MMS22L: variants seen among roughly 807,000 people sequenced by gnomAD.
The protein encoded by MMS22L is MMS22 like, DNA repair protein.
Under a neutral mutation model 159.1 loss-of-function variants are expected in MMS22L, and 74 were observed. The observed-to-expected ratio is 0.47, with a 90% CI of 0.39 to 0.56. MMS22L has a LOEUF of 0.56. MMS22L is among the 20% of genes least tolerant of loss of function. MMS22L has a pLI of 0.00. For synonymous variants in MMS22L, 517 were observed against 506.9 expected (o/e 1.02, Z -0.27); for missense variants, 1,351 against 1,422.1 (o/e 0.95, Z 0.80).
chr6:97,182,370 C>T (rs770959444), intron 15 of MMS22L, among the ~76,000 whole-genome samples: 1 of 152,086 alleles, frequency 6.6e-6, no homozygotes, highest in Non-Finnish European at 1.5e-5. Flanking sequence ...CTCCACCATT[C>T]AAAAGACCTA....
At chr6:97,234,331 T>C (rs1469529591) in intron 11 of MMS22L, among the ~76,000 whole-genome samples, 1 of 152,150 alleles carries the variant, frequency 6.6e-6, no homozygotes, top group Non-Finnish European at 1.5e-5. Context: ...ACGATTAAGA[T>C]GTACACAAAT....
rs767987186 is a variant in MMS22L at position 97,173,255 on chromosome 6, C to T, written c.2680-33G>A. On this transcript the variant is annotated intron_variant, in intron 18 of 24. Transcript: ENST00000683635. ...TAAAGAAAAACATTATTTAACTTCC[C>T]AAAGTTTATACCATAAAGATTTGGA... 8 of 1,591,880 alleles carry T rather than the reference C, an allele frequency of 5.0e-6. No homozygotes were observed. In the East Asian group the frequency reaches 1.3e-4, roughly 27 times the overall value.
chr6:97,160,344 T>A (rs1469463443), intron 22 of MMS22L, among the ~76,000 whole-genome samples: 2 of 152,020 alleles, frequency 1.3e-5, no homozygotes, highest in African/African-American at 4.8e-5. Flanking sequence ...TGTTTCATCT[T>A]CAGTTTTGAA....
intron 22 of MMS22L, among the ~76,000 whole-genome samples, chr6:97,154,167 T>C (rs2128235610): frequency 6.6e-6 from 1 of 152,306 alleles, no homozygotes; most frequent in African/African-American, 2.4e-5. Context: ...ACCTTGTGGG[T>C]ATGAAGTGAT....
chr6:97,168,516 T>C (rs1478351063), intron 19 of MMS22L, among the ~76,000 whole-genome samples: 1 of 152,102 alleles, frequency 6.6e-6, no homozygotes, highest in East Asian at 1.9e-4. Flanking sequence ...TCTGAAAATA[T>C]AAAATCTGAA....
chr6:97,264,651 A>G (rs529921831), intron 8 of MMS22L: 1 of 152,272 alleles, frequency 6.6e-6, no homozygotes, highest in Admixed American at 6.5e-5. Context: ...AGAAACCTCT[A>G]AAGACATCAC....
chr6:97,244,060 AGTT>A (rs1325896180), intron 11 of MMS22L, among the ~76,000 whole-genome samples: 3 of 152,152 alleles, frequency 2.0e-5, no homozygotes, highest in Non-Finnish European at 1.5e-5. Context: ...CTAGCAGTGA[AGTT>A]GTCATGTGGA....
chr6:97,272,748 G>C lies in MMS22L; in HGVS notation c.562C>G (p.Pro188Ala), dbSNP rs1388047961. 1.2e-6 allele frequency: 2 copies of C among 1,613,506 alleles called. 1 individual carries two copies. Among genetic ancestry groups the C allele is most frequent in the Non-Finnish European group, 1.7e-6 (2 of 1,179,840 alleles). Residue 188 changes from proline (P) to alanine (A), a missense_variant, in exon 6 of 25, where the codon CCC (proline) becomes GCC (alanine). By Grantham distance (27) the Pro-to-Ala change is conservative (BLOSUM62 -1). Transcript: ENST00000683635. ...LLYIGHLSEL[P>A]SVNIGAFVNQ... ...ACAAATGCTCCTATATTAACACTGG[G>C]AAGTTCAGATAGGTGTCCAATATAC...
intron 11 of MMS22L, among the ~76,000 whole-genome samples, chr6:97,239,807 G>A (rs567237306): frequency 1.4e-4 from 21 of 152,310 alleles, no homozygotes; most frequent in African/African-American, 5.1e-4. Context: ...TCGGGAGAAG[G>A]AGGCAGAAGA....
At chr6:97,173,321 C>CA in intron 18 of MMS22L, 99 bp from the exon 19 acceptor site, 8 of 1,064,990 alleles carry the variant, frequency 7.5e-6, no homozygotes, top group Non-Finnish European at 1.1e-5. Context: ...CATACGCACC[C>CA]ATACCCTTTA....
Position 97,162,125 on chromosome 6 carries a change from G to A in MMS22L, c.3262C>T (p.Arg1088Cys), listed in dbSNP as rs371086396. 17 of 1,610,266 alleles carry A rather than the reference G, an allele frequency of 1.1e-5. No individual in the cohort carries two copies. Among genetic ancestry groups the A allele is most frequent in the Middle Eastern group, 1.6e-4 (1 of 6,062 alleles). ...LEYKGSSPPP[R>C]LASILAFILQ... ...ATGAAGGCCAGAATGGATGCTAAGC[G>A]AGGAGGAGGTGAGGACCCCTTATAC... Residue 1088 changes from arginine to cysteine, a missense_variant, in exon 22 of 25, where the codon CGC (arginine) becomes TGC (cysteine). Arg to Cys is a radical substitution (Grantham distance 180). Coordinates refer to ENST00000683635, the MANE Select transcript of MMS22L (RefSeq NM_001350599.2).
intron 11 of MMS22L, among the ~76,000 whole-genome samples, chr6:97,245,406 G>A (rs1333887317): frequency 6.6e-6 from 1 of 152,044 alleles, no homozygotes; most frequent in Non-Finnish European, 1.5e-5. Context: ...CTCTGGATTT[G>A]GTTAAAGCAT....
chr6:97,272,713 G>A lies in MMS22L; in HGVS notation c.597C>T (p.Asn199=), dbSNP rs1264765278. 1 of 1,608,362 alleles carries A rather than the reference G, an allele frequency of 6.2e-7. No individual in the cohort carries two copies. Among genetic ancestry groups the A allele is most frequent in the Non-Finnish European group, 8.5e-7 (1 of 1,178,300 alleles). The change falls in exon 6 of 25, where the codon AAC becomes AAT. Residue 199 remains asparagine (N), a synonymous_variant. Transcript: ENST00000683635. ...SVNIGAFVNQ[N]QIKLFPPSWH... ...ATGAAACAAGTCAAACCTTAATCTG[G>A]TTTTGATTTACAAATGCTCCTATAT...
At chr6:97,218,745 T>G (rs1002888697) in intron 14 of MMS22L, among the ~76,000 whole-genome samples, 4 of 152,124 alleles carry the variant, frequency 2.6e-5, no homozygotes, top group African/African-American at 9.7e-5. Flanking sequence ...CACACTGCCA[T>G]AAACACCCTA....
intron 2 of MMS22L, 87 bp downstream of exon 2, chr6:97,282,227 C>A: frequency 7.2e-7 from 1 of 1,398,598 alleles, no homozygotes; most frequent in Non-Finnish European, 9.8e-7. Context: ...TTGGTGAACA[C>A]CAAAGTTTAA....
chr6:97,263,312 A>G (rs1293898554), intron 9 of MMS22L, 23 bp downstream of exon 9: 1 of 1,391,132 alleles, frequency 7.2e-7, no homozygotes, highest in Non-Finnish European at 1.0e-6. Context: ...AACAATAACC[A>G]ACACATCAAT....
chr6:97,151,632 C>T, intron 23 of MMS22L, 139 bp downstream of exon 23: 1 of 676,046 alleles, frequency 1.5e-6, no homozygotes, highest in Non-Finnish European at 2.5e-6. Context: ...AACAAAACTA[C>T]TGCCAAAAAT....
At chr6:97,206,013 C>T (rs953409772) in intron 14 of MMS22L, among the ~76,000 whole-genome samples, 13 of 152,006 alleles carry the variant, frequency 8.6e-5, no homozygotes, top group African/African-American at 3.1e-4. Context: ...AGTTTAAGCA[C>T]CAAGGATAGA....
chr6:97,156,898 T>C (rs560703488), intron 22 of MMS22L, among the ~76,000 whole-genome samples: 1 of 152,306 alleles, frequency 6.6e-6, no homozygotes, highest in South Asian at 2.1e-4. Context: ...ATTGAATCTA[T>C]ACTTTGGGGA....
Sources: allele counts gnomAD v4.1 joint callset (sites outside exome capture counted in the v4.1 genomes callset), GRCh38; gene constraint gnomAD v4.1.1; transcripts MANE v1.5; gene names NCBI Gene and HGNC (gene_info 2026-07-23, HGNC 2026-07-21).